The following MCF2L2 variants were observed in gnomAD, a reference collection of about 807,000 sequenced individuals.
MCF2L2 encodes MCF.2 cell line derived transforming sequence-like 2.
MCF2L2 carries 102 observed loss-of-function variants against 150.2 expected under a neutral mutation model. The observed-to-expected ratio is 0.68, with a 90% CI of 0.58 to 0.80. MCF2L2 has a LOEUF of 0.80. Among genes scored for constraint, MCF2L2 ranks in the 30% least tolerant of loss-of-function variants. The probability of loss-of-function intolerance (pLI) is 0.00; values close to 1 mark genes in which losing one functional copy is unlikely to be tolerated. For missense variants in MCF2L2, 1,256 were observed against 1,372.8 expected, an observed-to-expected ratio of 0.91 and a Z score of 1.34; for synonymous variants, 465 against 491.3, an observed-to-expected ratio of 0.95 and a Z score of 0.71.
intron 7 of MCF2L2, among the ~76,000 whole-genome samples, chr3:183,313,020 T>A (rs1194184439): frequency 6.6e-6 from 1 of 152,260 alleles, no homozygotes; most frequent in East Asian, 1.9e-4. Flanking sequence ...TCAGCCCTCA[T>A]TTCTTATCTC....
chr3:183,258,018 A>AGT (rs1176170297), intron 15 of MCF2L2, among the ~76,000 whole-genome samples: 1 of 113,620 alleles, frequency 8.8e-6, no homozygotes, highest in South Asian at 3.1e-4. Context: ...CCCAGGCTGG[A>AGT]GTGCAATGGT....
chr3:183,242,161 T>C (rs1188412669), intron 15 of MCF2L2, among the ~76,000 whole-genome samples: 1 of 152,074 alleles, frequency 6.6e-6, no homozygotes, highest in East Asian at 1.9e-4. Context: ...AATTGGAACT[T>C]ATGCTCAAAA....
At chr3:183,369,598 C>G (rs907604190) in intron 3 of MCF2L2, among the ~76,000 whole-genome samples, 2 of 152,116 alleles carry the variant, frequency 1.3e-5, no homozygotes, top group African/African-American at 4.8e-5. Context: ...GGCCACCCTG[C>G]TCAACATAAA....
chr3:183,398,578 A>G (rs1213100902), intron 1 of MCF2L2, among the ~76,000 whole-genome samples: 2 of 151,898 alleles, frequency 1.3e-5, no homozygotes, highest in Non-Finnish European at 2.9e-5. Flanking sequence ...AAAAAGAAAA[A>G]AGGGAGGAGG....
chr3:183,264,775 C>G (rs1461155911), intron 15 of MCF2L2, among the ~76,000 whole-genome samples: 3 of 152,128 alleles, frequency 2.0e-5, no homozygotes, highest in African/African-American at 4.8e-5. Context: ...AAACTTGTAG[C>G]CTTTGGGTGT....
At chr3:183,299,552 G>A (rs2108496499) in intron 11 of MCF2L2, 1 of 155,018 alleles carries the variant, frequency 6.5e-6, no homozygotes, top group South Asian at 1.9e-4. Flanking sequence ...GTTCCTGGTA[G>A]GAATGCAGTA....
chr3:183,360,168 A>C (rs985061742), intron 3 of MCF2L2, among the ~76,000 whole-genome samples: 5 of 152,224 alleles, frequency 3.3e-5, no homozygotes, highest in Non-Finnish European at 1.5e-5. Flanking sequence ...CATTCACAAC[A>C]GAACAAGAAA....
At chr3:183,388,788 C>T (rs751133193) in intron 2 of MCF2L2, among the ~76,000 whole-genome samples, 27 of 152,056 alleles carry the variant, frequency 1.8e-4, no homozygotes, top group Admixed American at 2.0e-4. Context: ...TAACTGAGTT[C>T]GCATCTCCTT....
intron 7 of MCF2L2, among the ~76,000 whole-genome samples, chr3:183,312,333 C>G (rs1004947207): frequency 1.3e-5 from 2 of 152,114 alleles, no homozygotes; most frequent in Admixed American, 6.5e-5. Context: ...CCAAGCCAAC[C>G]CCCCATTCTA....
At chr3:183,198,197 T>C (rs1467162521) in intron 25 of MCF2L2, among the ~76,000 whole-genome samples, 1 of 152,044 alleles carries the variant, frequency 6.6e-6, no homozygotes, top group Non-Finnish European at 1.5e-5. Context: ...CATTAACAAG[T>C]AAATGGATAA....
Position 183,273,163 on chromosome 3 carries a change from A to G in MCF2L2, c.1862+3709T>C, listed in dbSNP as rs1257291427. 36 of 551,630 alleles carry G rather than the reference A, an allele frequency of 6.5e-5. No homozygotes were observed. The East Asian group carries it at 1.2e-3, about 19-fold the overall frequency. The allele number at this position is 551,630 out of a possible 1,614,324, so 34.2% of individuals were successfully genotyped here. A position where few individuals can be genotyped will look rare whatever the true frequency, so the allele number is the denominator to read the frequency against. Reference sequence around the variant, plus strand: ...TTTTAAAAAATGTCAACAAAGGGAAAATAAACTATCAGCTTGGATGGTCAC... The same window carrying G: ...TTTTAAAAAATGTCAACAAAGGGAAGATAAACTATCAGCTTGGATGGTCAC... On this transcript the variant is annotated intron_variant, in intron 15 of 29. Transcript: ENST00000328913.
At chr3:183,424,476 C>T (rs1323123656) in intron 1 of MCF2L2, among the ~76,000 whole-genome samples, 1 of 152,220 alleles carries the variant, frequency 6.6e-6, no homozygotes, top group East Asian at 1.9e-4. Flanking sequence ...TTCCAAAACA[C>T]AATCATTCAT....
chr3:183,258,892 T>G (rs1725326737), intron 15 of MCF2L2, among the ~76,000 whole-genome samples: 2 of 152,172 alleles, frequency 1.3e-5, no homozygotes, highest in Non-Finnish European at 2.9e-5. Flanking sequence ...ACCTGGCCCA[T>G]GTACTTTAAA....
rs754450286 is a variant in MCF2L2 at position 183,179,494 on chromosome 3, G to A, written c.3231C>T (p.Arg1077=). 8 of 1,609,092 alleles carry A rather than the reference G, an allele frequency of 5.0e-6. No homozygotes were observed. Among genetic ancestry groups the A allele is most frequent in the Middle Eastern group, 1.6e-4 (1 of 6,068 alleles). Residue 1077 remains arginine (R), a synonymous_variant, in exon 30 of 30, where the codon CGC becomes CGT. Transcript: ENST00000328913. This position sits in a 1 kb window ranked among gnomAD's most constrained non-coding sequence, Gnocchi z 4.2. ...CCCCAGCGCGCTCCTCCTCGGTGCT[G>A]CGGGTCGCCCTGCAATTCCGAGAAG... The part of the protein sequence containing the change: ...EERDEEETAT[R]STEEERAGAS...
chr3:183,415,321 G>A (rs1019797161), intron 1 of MCF2L2, among the ~76,000 whole-genome samples: 1 of 151,974 alleles, frequency 6.6e-6, no homozygotes, highest in Non-Finnish European at 1.5e-5. Flanking sequence ...CAAGTAGGTG[G>A]GATTACAGGT....
At chr3:183,357,322 T>C (rs547787444) in intron 3 of MCF2L2, among the ~76,000 whole-genome samples, 1 of 152,344 alleles carries the variant, frequency 6.6e-6, no homozygotes, top group South Asian at 2.1e-4. Flanking sequence ...GAACTACTTC[T>C]TGAGCTCCTG....
intron 1 of MCF2L2, among the ~76,000 whole-genome samples, chr3:183,402,862 CAA>C (rs141934165): frequency 0.098 from 14,447 of 148,138 alleles, 1,592 homozygotes; most frequent in African/African-American, 0.27. Context: ...ATATCATAGA[CAA>C]AAAATATATA....
intron 15 of MCF2L2, among the ~76,000 whole-genome samples, chr3:183,232,825 TAGAA>T (rs1560357370): frequency 6.6e-6 from 1 of 152,208 alleles, no homozygotes. Context: ...TCAAACCTCA[TAGAA>T]AGACTGGTAA....
chr3:183,402,500 G>C (rs1714822887), intron 1 of MCF2L2, among the ~76,000 whole-genome samples: 1 of 147,402 alleles, frequency 6.8e-6, no homozygotes, highest in Non-Finnish European at 1.5e-5. Context: ...AGGGTAGAAG[G>C]GTTAAGAAAA....
Sources: gnomAD v4.1 joint callset for allele counts (sites outside exome capture counted in the v4.1 genomes callset) on GRCh38, gnomAD v4.1.1 for gene constraint, Gnocchi (gnomAD v3.1) non-coding constraint, MANE v1.5 for transcripts, NCBI Gene and HGNC (gene_info 2026-07-23, HGNC 2026-07-21) for gene names.